Variants in CDKAL1 observed in about 807,000 individuals in gnomAD.
The protein encoded by CDKAL1 is CDKAL1 threonylcarbamoyladenosine tRNA methylthiotransferase, also known as threonylcarbamoyladenosine tRNA methylthiotransferase.
A neutral mutation model predicts 68.2 loss-of-function variants in CDKAL1; 32 were observed. The observed-to-expected ratio is 0.47, with a 90% CI of 0.35 to 0.63. The LOEUF is 0.63. Ranked by LOEUF, CDKAL1 falls within the 30% of genes least tolerant of loss-of-function variation. CDKAL1 has a pLI of 0.00. For missense variants in CDKAL1, 606 were observed against 696.7 expected, an observed-to-expected ratio of 0.87 and a Z score of 1.47; for synonymous variants, 234 against 244.3, an observed-to-expected ratio of 0.96 and a Z score of 0.39.
chr6:20,697,262 C>A (rs1434109299), intron 5 of CDKAL1, among the ~76,000 whole-genome samples: 2 of 152,040 alleles, frequency 1.3e-5, no homozygotes, highest in Non-Finnish European at 2.9e-5. Flanking sequence ...AAAATGGTTT[C>A]AAATTAAAAA....
intron 9 of CDKAL1, among the ~76,000 whole-genome samples, chr6:20,890,665 A>G (rs1389497592): frequency 1.3e-5 from 2 of 152,096 alleles, no homozygotes; most frequent in Non-Finnish European, 2.9e-5. Flanking sequence ...TTTGTTTTCT[A>G]CACTCTTACC....
intron 11 of CDKAL1, among the ~76,000 whole-genome samples, chr6:21,012,832 G>C (rs1213879381): frequency 1.3e-5 from 2 of 152,156 alleles, no homozygotes; most frequent in Non-Finnish European, 2.9e-5. Context: ...TCTCGTACCA[G>C]CATGAGCCCC....
intron 9 of CDKAL1, among the ~76,000 whole-genome samples, chr6:20,930,997 C>A (rs1338669828): frequency 1.3e-5 from 2 of 152,166 alleles, no homozygotes; most frequent in Non-Finnish European, 2.9e-5. Context: ...CCCGCCTCGG[C>A]CTCCCAAAAT....
intron 9 of CDKAL1, among the ~76,000 whole-genome samples, chr6:20,864,844 GCA>G (rs1759818585): frequency 6.6e-6 from 1 of 152,076 alleles, no homozygotes; most frequent in East Asian, 1.9e-4. Flanking sequence ...TGTACATGCT[GCA>G]TGATATTTAT....
intron 6 of CDKAL1, among the ~76,000 whole-genome samples, chr6:20,745,905 T>C (rs990151150): frequency 6.6e-6 from 1 of 152,236 alleles, no homozygotes; most frequent in African/African-American, 2.4e-5. Context: ...GTTTTAGTTA[T>C]AATATTACTC....
rs1197771271 is a variant in CDKAL1, at chr6:20,732,923, C to T, written c.372-6596C>T. ...TCACAGAAGTCTGTATACGTATCCT[C>T]ATTTCTTCCCCTTAAAATAAAGCTA... On this transcript the variant is annotated intron_variant, in intron 5 of 15. Coordinates refer to ENST00000274695, the MANE Select transcript of CDKAL1 (RefSeq NM_017774.3). Among the ~76,000 whole-genome samples the T allele has an allele frequency of 3.9e-5, 6 of 152,218 alleles. No homozygotes were observed. In the South Asian group the frequency reaches 1.0e-3, roughly 26 times the overall value.
chr6:20,614,577 C>T (rs1193479927), intron 4 of CDKAL1, among the ~76,000 whole-genome samples: 3 of 152,096 alleles, frequency 2.0e-5, no homozygotes, highest in Non-Finnish European at 4.4e-5. Flanking sequence ...AAAGTTCAAA[C>T]GTACCCACAA....
At chr6:21,030,830 G>A (rs1475707000) in intron 11 of CDKAL1, among the ~76,000 whole-genome samples, 1 of 152,114 alleles carries the variant, frequency 6.6e-6, no homozygotes, top group Non-Finnish European at 1.5e-5. Flanking sequence ...CTCTTTCTGG[G>A]GGATTTTAAG....
intron 13 of CDKAL1, among the ~76,000 whole-genome samples, chr6:21,148,892 T>C (rs1562071820): frequency 6.6e-6 from 1 of 152,182 alleles, no homozygotes; most frequent in Non-Finnish European, 1.5e-5. Flanking sequence ...TAAAAAAGAA[T>C]AAACTGTATG....
intron 15 of CDKAL1, among the ~76,000 whole-genome samples, chr6:21,228,051 C>T (rs1562132925): frequency 6.6e-6 from 1 of 152,184 alleles, no homozygotes; most frequent in Non-Finnish European, 1.5e-5. Context: ...CCTGGCCTGG[C>T]ACCACTAATC....
At chr6:20,841,136 T>G (rs1246636788) in intron 8 of CDKAL1, among the ~76,000 whole-genome samples, 3 of 152,156 alleles carry the variant, frequency 2.0e-5, no homozygotes, top group Non-Finnish European at 4.4e-5. Flanking sequence ...TGCCTGGCCA[T>G]TTTGTAACAT....
intron 8 of CDKAL1, among the ~76,000 whole-genome samples, chr6:20,805,032 CAAAG>C (rs1432636746): frequency 1.3e-5 from 2 of 152,056 alleles, no homozygotes; most frequent in African/African-American, 2.4e-5. Flanking sequence ...CTCTAAAAAA[CAAAG>C]AAAGAAAAAT....
intron 15 of CDKAL1, among the ~76,000 whole-genome samples, chr6:21,213,542 C>G (rs1054332873): frequency 1.3e-5 from 2 of 152,096 alleles, no homozygotes; most frequent in Non-Finnish European, 2.9e-5. Context: ...TTTCAGTTCC[C>G]CCTTTTCACT....
intron 4 of CDKAL1, among the ~76,000 whole-genome samples, chr6:20,649,031 G>C (rs1040330231): frequency 6.6e-6 from 1 of 152,178 alleles, no homozygotes; most frequent in African/African-American, 2.4e-5. Flanking sequence ...TTATTAGATA[G>C]TACTGTCAAG....
At chr6:21,226,121 G>A (rs1218874749) in intron 15 of CDKAL1, among the ~76,000 whole-genome samples, 3 of 152,290 alleles carry the variant, frequency 2.0e-5, no homozygotes, top group East Asian at 1.9e-4. Flanking sequence ...GCCTTGTGGC[G>A]TGAAACATGC....
intron 8 of CDKAL1, among the ~76,000 whole-genome samples, chr6:20,793,806 A>T (rs1184942887): frequency 6.8e-6 from 1 of 147,418 alleles, no homozygotes; most frequent in East Asian, 1.9e-4. Flanking sequence ...TATATATTAT[A>T]TATATATATA....
At chr6:20,723,056 C>T (rs577711826) in intron 5 of CDKAL1, among the ~76,000 whole-genome samples, 1 of 152,318 alleles carries the variant, frequency 6.6e-6, no homozygotes, top group African/African-American at 2.4e-5. Flanking sequence ...GACCCATCAA[C>T]TGCAGGTACC....
At chr6:20,691,769 C>G (rs904146299) in intron 5 of CDKAL1, among the ~76,000 whole-genome samples, 3 of 152,046 alleles carry the variant, frequency 2.0e-5, no homozygotes, top group Non-Finnish European at 4.4e-5. Flanking sequence ...GTAGTTGTCT[C>G]CATAGTGGGA....
chr6:21,148,790 G>A (rs1255806870), intron 13 of CDKAL1, among the ~76,000 whole-genome samples: 2 of 152,090 alleles, frequency 1.3e-5, no homozygotes, highest in Non-Finnish European at 2.9e-5. Flanking sequence ...GTTTCAGGGA[G>A]AGGAATAGGC....
Sources: allele counts gnomAD v4.1 joint callset (sites outside exome capture counted in the v4.1 genomes callset), GRCh38; gene constraint gnomAD v4.1.1; transcripts MANE v1.5; gene names NCBI Gene and HGNC (gene_info 2026-07-23, HGNC 2026-07-21).